The following SEL1L2 variants were observed in gnomAD, a reference collection of about 807,000 sequenced individuals.
SEL1L2 encodes SEL1L2 adaptor subunit of SYVN1 ubiquitin ligase.
In SEL1L2, 89 loss-of-function variants were observed where a neutral mutation model predicts 98.8. The observed-to-expected ratio is 0.90, with a 90% CI of 0.76 to 1.07. The LOEUF (loss-of-function observed/expected upper bound fraction) is 1.07. Among genes scored for constraint, SEL1L2 ranks in the 50% least tolerant of loss-of-function variants. The pLI, the probability that SEL1L2 is intolerant of heterozygous loss-of-function variation, is 0.00. For missense variants in SEL1L2, 788 were observed against 812.0 expected (o/e 0.97, Z 0.36); for synonymous variants, 262 against 278.5 (o/e 0.94, Z 0.59).
chr20:13,972,907 C>A (rs922742806), intron 1 of SEL1L2, among the ~76,000 whole-genome samples: 1 of 151,894 alleles, frequency 6.6e-6, no homozygotes, highest in East Asian at 1.9e-4. Context: ...ACAAAGTGGG[C>A]CTTAATGTGA....
intron 1 of SEL1L2, among the ~76,000 whole-genome samples, chr20:13,961,289 A>G (rs2050760449): frequency 2.0e-5 from 3 of 152,216 alleles, no homozygotes; most frequent in Non-Finnish European, 4.4e-5. Flanking sequence ...TTTTTAAAAA[A>G]CAAAAATCTG....
chr20:13,855,752 C>G (rs988429657), intron 18 of SEL1L2, among the ~76,000 whole-genome samples: 2 of 152,238 alleles, frequency 1.3e-5, no homozygotes, highest in Non-Finnish European at 2.9e-5. Flanking sequence ...GCCACATCTA[C>G]TTCTTGGCTG....
At chr20:13,924,339 A>G (rs150977352) in intron 3 of SEL1L2, among the ~76,000 whole-genome samples, 92 of 149,838 alleles carry the variant, frequency 6.1e-4, no homozygotes, top group African/African-American at 2.1e-3. Context: ...TTTTCCGGTA[A>G]TTTGTTAATG....
At chr20:13,886,585 A>G (rs1387918564) in intron 8 of SEL1L2, 143 bp from the exon 9 acceptor site, 7 of 788,990 alleles carry the variant, frequency 8.9e-6, no homozygotes, top group Admixed American at 3.1e-5. Context: ...ATCCATGAAA[A>G]ATAGAAATTT....
At chr20:13,977,837 T>A (rs2051620518) in intron 1 of SEL1L2, among the ~76,000 whole-genome samples, 1 of 152,050 alleles carries the variant, frequency 6.6e-6, no homozygotes, top group South Asian at 2.1e-4. Flanking sequence ...TTATAAAAAT[T>A]TGATGAAAAA....
chr20:13,924,022 C>T (rs1055712044), intron 3 of SEL1L2, among the ~76,000 whole-genome samples: 2 of 152,160 alleles, frequency 1.3e-5, no homozygotes, highest in Non-Finnish European at 2.9e-5. Context: ...ATTATCACAA[C>T]TTCCTTGTGA....
intron 4 of SEL1L2, among the ~76,000 whole-genome samples, chr20:13,916,200 G>A (rs2048392525): frequency 6.6e-6 from 1 of 152,194 alleles, no homozygotes; most frequent in Non-Finnish European, 1.5e-5. Flanking sequence ...CAGGATGTGG[G>A]TGTGGAGGAG....
At chr20:13,927,902 C>A (rs1321238) in intron 3 of SEL1L2, 138,232 of 152,240 alleles carry the variant, frequency 0.91, 62,890 homozygotes, top group East Asian at 1. Flanking sequence ...AGGTACTGTT[C>A]CCAAGCTGTG....
chr20:13,902,699 C>G (rs979589821), intron 5 of SEL1L2, among the ~76,000 whole-genome samples: 1 of 72,188 alleles, frequency 1.4e-5, no homozygotes, highest in Non-Finnish European at 3.1e-5. Flanking sequence ...TTGCTGGTCC[C>G]TTTTTAGTAG....
chr20:13,956,672 C>T (rs911027290), intron 1 of SEL1L2, among the ~76,000 whole-genome samples: 1 of 151,880 alleles, frequency 6.6e-6, no homozygotes, highest in Non-Finnish European at 1.5e-5. Flanking sequence ...TTTTAATGAA[C>T]CAATTTTAAT....
intron 5 of SEL1L2, among the ~76,000 whole-genome samples, chr20:13,905,918 A>G (rs373471433): frequency 1.2e-3 from 148 of 128,382 alleles, no homozygotes; most frequent in African/African-American, 4.3e-3. Flanking sequence ...CTTGACGCCC[A>G]GGCTGGAATG....
chr20:13,907,449 G>A (rs1348076272), intron 5 of SEL1L2, among the ~76,000 whole-genome samples: 3 of 152,072 alleles, frequency 2.0e-5, no homozygotes, highest in Non-Finnish European at 4.4e-5. Context: ...TATGCTTGCA[G>A]TCCTAGCTAC....
chr20:13,852,857 TA>T (rs1297055417), intron 18 of SEL1L2, among the ~76,000 whole-genome samples: 1 of 152,098 alleles, frequency 6.6e-6, no homozygotes, highest in Non-Finnish European at 1.5e-5. Flanking sequence ...TTGGATGTCA[TA>T]AAAAAAATTT....
At chr20:13,948,346 T>G (rs1171142949) in intron 2 of SEL1L2, among the ~76,000 whole-genome samples, 1 of 152,092 alleles carries the variant, frequency 6.6e-6, no homozygotes, top group African/African-American at 2.4e-5. Context: ...AGGTCTCAAA[T>G]TTCTCAATAT....
intron 1 of SEL1L2, among the ~76,000 whole-genome samples, chr20:13,982,441 G>A (rs963163038): frequency 8.9e-5 from 13 of 145,774 alleles, no homozygotes; most frequent in African/African-American, 2.8e-4. Context: ...AGCCTGGGAA[G>A]TCGAGCCTAT....
chr20:13,957,863 C>T (rs951634835), intron 1 of SEL1L2, among the ~76,000 whole-genome samples: 2 of 152,048 alleles, frequency 1.3e-5, no homozygotes, highest in East Asian at 1.9e-4. Context: ...GGTGACAGAG[C>T]GAGACCCTGT....
At chr20:13,886,506 T>A in intron 8 of SEL1L2, 64 bp from the exon 9 acceptor site, 1 of 1,389,470 alleles carries the variant, frequency 7.2e-7, no homozygotes, top group Non-Finnish European at 1.0e-6. Flanking sequence ...AACAGTCAAT[T>A]TAGAGAAAAC....
intron 3 of SEL1L2, among the ~76,000 whole-genome samples, chr20:13,926,208 A>G (rs546638210): frequency 1.3e-5 from 2 of 152,308 alleles, no homozygotes; most frequent in South Asian, 2.1e-4. Flanking sequence ...CCAGCTACTC[A>G]GGAGGCTGAG....
intron 1 of SEL1L2, among the ~76,000 whole-genome samples, chr20:13,985,718 T>C (rs952468010): frequency 6.6e-6 from 1 of 152,196 alleles, no homozygotes; most frequent in Non-Finnish European, 1.5e-5. Flanking sequence ...GCCTTTAGGA[T>C]ATTCACAAAT....
Sources: gnomAD v4.1 joint callset for allele counts (sites outside exome capture counted in the v4.1 genomes callset) on GRCh38, gnomAD v4.1.1 for gene constraint, MANE v1.5 for transcripts, NCBI Gene and HGNC (gene_info 2026-07-23, HGNC 2026-07-21) for gene names.